Variants in HLCS observed in about 807,000 individuals in gnomAD.
The protein encoded by HLCS is holocarboxylase synthetase.
In HLCS, 53 loss-of-function variants were observed where a neutral mutation model predicts 75.0. The ratio of observed to expected loss-of-function variants is 0.71; its 90% CI spans 0.57 to 0.89. HLCS has a LOEUF of 0.89. HLCS is among the 40% of genes least tolerant of loss of function. The probability of loss-of-function intolerance (pLI) is 0.00; values close to 1 mark genes in which losing one functional copy is unlikely to be tolerated. For synonymous variants in HLCS, 431 were observed against 428.6 expected, an observed-to-expected ratio of 1.01 and a Z score of -0.07; for missense variants, 966 against 1,074.0, an observed-to-expected ratio of 0.90 and a Z score of 1.41.
chr21:36,933,916 A>C (rs2066762619), intron 4 of HLCS, among the ~76,000 whole-genome samples: 2 of 152,202 alleles, frequency 1.3e-5, no homozygotes, highest in African/African-American at 4.8e-5. Context: ...TGGCGCTACA[A>C]GCGGGCGGAG....
chr21:36,773,618 C>A (rs1427135178), intron 6 of HLCS, among the ~76,000 whole-genome samples: 1 of 152,174 alleles, frequency 6.6e-6, no homozygotes, highest in East Asian at 1.9e-4. Flanking sequence ...ATCTTCTTTA[C>A]CCCCCAGTTT....
intron 1 of HLCS, 44 bp from the exon 2 acceptor site, chr21:36,962,214 C>T (rs2068335290): frequency 8.0e-7 from 1 of 1,243,612 alleles, no homozygotes; most frequent in Non-Finnish European, 1.0e-6. Flanking sequence ...CACTTCATAC[C>T]ACAACTGCCA....
At chr21:36,761,553 G>A (rs907351352) in intron 8 of HLCS, among the ~76,000 whole-genome samples, 1 of 152,064 alleles carries the variant, frequency 6.6e-6, no homozygotes, top group South Asian at 2.1e-4. Flanking sequence ...TGGATTTGGC[G>A]ATACTGGGAG....
At chr21:36,815,318 T>C (rs949663839) in intron 6 of HLCS, among the ~76,000 whole-genome samples, 2 of 142,714 alleles carry the variant, frequency 1.4e-5, no homozygotes, top group African/African-American at 5.2e-5. Context: ...CGTGAGCCAC[T>C]GCACCTGGCC....
rs9977769 is a variant in HLCS at position 36,756,406 on chromosome 21, G to A, written c.2450+136C>T. ...GCGGAGCTTGCAGTGAGCCAAGATC[G>A]TGCCACTGCACTCCAGCCTGGGCGA... On this transcript the variant is annotated intron_variant, in intron 10 of 10. Coordinates refer to ENST00000674895, the MANE Select transcript of HLCS (RefSeq NM_001352514.2). 0.53 allele frequency: 319,889 copies of A among 603,788 alleles called. 89,896 individuals are homozygous for A. Among genetic ancestry groups the A allele is most frequent in the South Asian group, 0.66 (36,122 of 54,510 alleles). 37.4% of individuals were successfully genotyped at this position (603,788 alleles called of 1,614,324 possible).
In HLCS at chr21:36,936,471, C is replaced by CTGG. The variant is rs748102555; in HGVS notation, c.1414_1415insCCA (p.Gly472delinsAlaArg). The CTGG allele has an allele frequency of 6.2e-7, 1 of 1,614,034 alleles. No homozygotes were observed. The highest frequency in any genetic ancestry group is 1.3e-5 in the African/African-American group (1 of 74,944). On this transcript the variant is annotated protein_altering_variant, in exon 4 of 11. Transcript: ENST00000674895. ...TACCTGGCAAAGAACAGCTTCTCCC[C>CTGG]CGCGAGTTCCAAAAGGCACATGCAC...
At chr21:36,820,064 T>C (rs1305947897) in intron 6 of HLCS, among the ~76,000 whole-genome samples, 1 of 152,138 alleles carries the variant, frequency 6.6e-6, no homozygotes, top group Non-Finnish European at 1.5e-5. Flanking sequence ...GTGCGACCCA[T>C]GGAGATGACC....
intron 1 of HLCS, among the ~76,000 whole-genome samples, chr21:36,986,122 G>A (rs1397287957): frequency 6.6e-6 from 1 of 152,014 alleles, no homozygotes; most frequent in South Asian, 2.1e-4. Flanking sequence ...CTGTTATTGC[G>A]GGAGTGGGCT....
intron 6 of HLCS, among the ~76,000 whole-genome samples, chr21:36,771,611 T>C (rs2060208248): frequency 6.6e-6 from 1 of 152,082 alleles, no homozygotes; most frequent in African/African-American, 2.4e-5. Context: ...TCATCAGTAA[T>C]GTGGGCAGAT....
chr21:36,920,076 G>A (rs1323778388), intron 5 of HLCS, among the ~76,000 whole-genome samples: 1 of 152,286 alleles, frequency 6.6e-6, no homozygotes, highest in East Asian at 1.9e-4. Context: ...TCATACCTGT[G>A]AGGCCAAGTA....
chr21:36,983,503 G>A (rs1034703814), intron 1 of HLCS, among the ~76,000 whole-genome samples: 6 of 151,756 alleles, frequency 4.0e-5, no homozygotes, highest in African/African-American at 1.5e-4. Flanking sequence ...GAGCCACTGC[G>A]CCCAGCCTGT....
At chr21:36,813,080 AT>A (rs893413413) in intron 6 of HLCS, among the ~76,000 whole-genome samples, 3 of 152,178 alleles carry the variant, frequency 2.0e-5, no homozygotes, top group African/African-American at 7.2e-5. Flanking sequence ...AAAAGAAAAG[AT>A]CTACCAGAAG....
At chr21:36,769,591 T>G (rs1361640267) in intron 6 of HLCS, among the ~76,000 whole-genome samples, 1 of 152,250 alleles carries the variant, frequency 6.6e-6, no homozygotes, top group Non-Finnish European at 1.5e-5. Context: ...AAAAGCTTTC[T>G]GTGAGTGGCA....
At chr21:36,808,621 C>T (rs2061425688) in intron 6 of HLCS, among the ~76,000 whole-genome samples, 1 of 152,070 alleles carries the variant, frequency 6.6e-6, no homozygotes, top group Non-Finnish European at 1.5e-5. Flanking sequence ...TGTTATAAGC[C>T]TCGCAAGACA....
intron 2 of HLCS, among the ~76,000 whole-genome samples, chr21:36,958,993 C>T (rs147222118): frequency 1.8e-3 from 277 of 152,310 alleles, no homozygotes; most frequent in Non-Finnish European, 3.2e-3. Flanking sequence ...GGGATACGCG[C>T]TCTGTGGAAC....
chr21:36,777,183 T>C (rs1045141155), intron 6 of HLCS, among the ~76,000 whole-genome samples: 1 of 152,212 alleles, frequency 6.6e-6, no homozygotes. Flanking sequence ...GTGGCCACCA[T>C]GTCAGCATTA....
intron 1 of HLCS, chr21:36,980,662 C>CG (rs2146737406): frequency 6.6e-6 from 1 of 152,396 alleles, no homozygotes; most frequent in East Asian, 1.9e-4. Flanking sequence ...ATACCGGCCG[C>CG]GGAGCGCTCC....
chr21:36,864,048 G>A (rs1167219860), intron 6 of HLCS, among the ~76,000 whole-genome samples: 2 of 152,190 alleles, frequency 1.3e-5, no homozygotes, highest in African/African-American at 2.4e-5. Flanking sequence ...TATCACTCTT[G>A]TAAGTGTGTT....
chr21:36,796,432 C>A (rs1026430806), intron 6 of HLCS, among the ~76,000 whole-genome samples: 1 of 152,156 alleles, frequency 6.6e-6, no homozygotes, highest in Admixed American at 6.5e-5. Context: ...TTAGTCTGAT[C>A]AATTTAATGA....
Sources: allele counts gnomAD v4.1 joint callset (sites outside exome capture counted in the v4.1 genomes callset), GRCh38; gene constraint gnomAD v4.1.1; transcripts MANE v1.5; gene names NCBI Gene and HGNC (gene_info 2026-07-23, HGNC 2026-07-21).